FSD1: variants seen among roughly 807,000 people sequenced by gnomAD.
FSD1 encodes the protein fibronectin type III and SPRY domain containing 1.
A neutral mutation model predicts 58.2 loss-of-function variants in FSD1; 23 were observed. That is an observed-to-expected ratio of 0.40 (90% CI 0.28 to 0.56). The LOEUF is 0.56. Among genes scored for constraint, FSD1 ranks in the 20% least tolerant of loss-of-function variants. The pLI is 0.54. For synonymous variants in FSD1, 265 were observed against 263.4 expected (o/e 1.01, Z -0.06); for missense variants, 563 against 670.8 (o/e 0.84, Z 1.78).
intron 7 of FSD1, 68 bp downstream of exon 7, chr19:4,312,119 A>C (rs915052033): frequency 3.1e-5 from 42 of 1,351,546 alleles, no homozygotes; most frequent in Middle Eastern, 2.4e-4. Flanking sequence ...CCGTCTCGCC[A>C]TCAGTCACTG....
chr19:4,305,887 TACCTGTGTGCGCACATGTGTGTGTGC>T (rs1971614546), intron 1 of FSD1, 33 bp from the exon 2 acceptor site: 4 of 1,243,248 alleles, frequency 3.2e-6, no homozygotes, highest in Middle Eastern at 1.9e-4. Context: ...CACGTGTGTG[TACCTGTGTGCGCACATGTGTGTGTGC>T]ACCTGTGTGT....
chr19:4,308,898 A>G (rs1372276778), intron 4 of FSD1, among the ~76,000 whole-genome samples: 1 of 140,452 alleles, frequency 7.1e-6, no homozygotes, highest in Non-Finnish European at 1.5e-5. Flanking sequence ...GGACGGTGAA[A>G]CCCCGTCTCT....
intron 4 of FSD1, among the ~76,000 whole-genome samples, chr19:4,309,029 C>T (rs547824443): frequency 2.6e-5 from 4 of 152,078 alleles, no homozygotes; most frequent in Non-Finnish European, 4.4e-5. Context: ...GAGCAGAGAT[C>T]GCACCACTGC....
intron 7 of FSD1, among the ~76,000 whole-genome samples, chr19:4,314,042 A>G (rs1170599323): frequency 2.0e-5 from 3 of 152,072 alleles, no homozygotes; most frequent in South Asian, 2.1e-4. Flanking sequence ...AAAAAAAAGA[A>G]AAAAAAAGCC....
intron 10 of FSD1, among the ~76,000 whole-genome samples, chr19:4,319,582 G>A (rs1971792441): frequency 6.6e-6 from 1 of 152,130 alleles, no homozygotes; most frequent in Admixed American, 6.5e-5. Context: ...AGGAAGTTAG[G>A]GAGTAGCTGG....
chr19:4,319,890 T>C (rs562636243), intron 10 of FSD1, among the ~76,000 whole-genome samples: 117 of 152,150 alleles, frequency 7.7e-4, no homozygotes, highest in Non-Finnish European at 1.3e-3. Context: ...AGTTGTGATC[T>C]GGGAGGGGCG....
intron 8 of FSD1, 79 bp downstream of exon 8, chr19:4,317,359 T>G: frequency 1.1e-6 from 1 of 924,104 alleles, no homozygotes; most frequent in Admixed American, 1.8e-5. Flanking sequence ...ATGAGAATCC[T>G]CGAAGCAGGG....
Position 4,304,777 on chromosome 19 carries a change from G to A in FSD1, c.15+16G>A, listed in dbSNP as rs17523436. ...AGAACAGAGGGTAGGACGGGGTGGG[G>A]CAGGGCGGGCCCGCAGGGGCGTCGG... On this transcript the variant is annotated intron_variant, in intron 1 of 12. Transcript: ENST00000221856. 0.42 allele frequency: 255,456 copies of A among 612,988 alleles called. 62,611 individuals are homozygous for A. The highest frequency in any genetic ancestry group is 0.57 in the South Asian group (6,489 of 11,348). The allele number at this position is 612,988 out of a possible 1,614,324, so 38.0% of individuals were successfully genotyped here.
At chr19:4,319,321 G>C (rs1457490318) in intron 10 of FSD1, among the ~76,000 whole-genome samples, 1 of 152,090 alleles carries the variant, frequency 6.6e-6, no homozygotes, top group Non-Finnish European at 1.5e-5. Context: ...CTGGGTTTGT[G>C]GGGGAGCTGA....
chr19:4,312,971 A>T (rs1971711544), intron 7 of FSD1, among the ~76,000 whole-genome samples: 1 of 151,932 alleles, frequency 6.6e-6, no homozygotes. Flanking sequence ...CAGGGAACAA[A>T]GCAGACAATA....
At chr19:4,320,374 G>T (rs907956320) in intron 10 of FSD1, among the ~76,000 whole-genome samples, 4 of 152,092 alleles carry the variant, frequency 2.6e-5, no homozygotes, top group Non-Finnish European at 4.4e-5. Context: ...TGGGAACTAG[G>T]GGGAGCATCT....
chr19:4,314,899 C>T (rs1465274631), intron 7 of FSD1, among the ~76,000 whole-genome samples: 5 of 152,208 alleles, frequency 3.3e-5, no homozygotes, highest in South Asian at 2.1e-4. Flanking sequence ...TCTGTCACTA[C>T]GAGGCTTCCA....
chr19:4,323,128 C>T lies in FSD1; in HGVS notation c.1182C>T (p.His394=), dbSNP rs757039989. 1.8e-5 allele frequency: 29 copies of T among 1,606,346 alleles called. No individual in the cohort carries two copies. Among genetic ancestry groups the T allele is most frequent in the South Asian group, 8.8e-5 (8 of 91,094 alleles). ...AGACGGCCGCCTCCTGGTGCCTGCA[C>T]GTCAACAATTGGCTGCAGGTCAGCT... The part of the protein sequence containing the change: ...LGKTAASWCL[H]VNNWLQVSFT... Residue 394 remains histidine (H), a synonymous_variant, in exon 11 of 13, where the codon CAC becomes CAT. Transcript: ENST00000221856. This position sits in a 1 kb window ranked among gnomAD's most constrained non-coding sequence, Gnocchi z 7.7.
Sources: gnomAD v4.1 joint callset for allele counts (sites outside exome capture counted in the v4.1 genomes callset) on GRCh38, gnomAD v4.1.1 for gene constraint, Gnocchi (gnomAD v3.1) non-coding constraint, MANE v1.5 for transcripts, NCBI Gene and HGNC (gene_info 2026-07-23, HGNC 2026-07-21) for gene names.